Variants in EOGT observed in about 807,000 individuals in gnomAD.
EOGT encodes EGF domain specific O-linked N-acetylglucosamine transferase.
EOGT carries 55 observed loss-of-function variants against 70.5 expected under a neutral mutation model. That is an observed-to-expected ratio of 0.78 (90% CI 0.63 to 0.98). The LOEUF is 0.98. Ranked by LOEUF, EOGT falls within the 50% of genes least tolerant of loss-of-function variation. The pLI, the probability that EOGT is intolerant of heterozygous loss-of-function variation, is 0.00. For synonymous variants in EOGT, 246 were observed against 217.1 expected (o/e 1.13, Z -1.17); for missense variants, 703 against 641.9 (o/e 1.10, Z -1.03).
intron 10 of EOGT, among the ~76,000 whole-genome samples, chr3:68,994,198 G>C (rs1460123350): frequency 1.3e-5 from 2 of 152,058 alleles, no homozygotes; most frequent in African/African-American, 4.8e-5. Flanking sequence ...GAAAAGAATA[G>C]CCAGGTATGG....
chr3:69,010,185 A>C (rs952390802), intron 3 of EOGT, among the ~76,000 whole-genome samples: 3 of 152,224 alleles, frequency 2.0e-5, no homozygotes, highest in Non-Finnish European at 4.4e-5. Context: ...GGGCCTGTGA[A>C]TCAAACCAAC....
intron 10 of EOGT, among the ~76,000 whole-genome samples, chr3:68,993,006 A>G (rs1320620392): frequency 2.0e-5 from 3 of 152,222 alleles, no homozygotes; most frequent in African/African-American, 7.2e-5. Flanking sequence ...CCCTGGGCTC[A>G]GCCCACAAAA....
intron 10 of EOGT, among the ~76,000 whole-genome samples, chr3:68,994,485 C>T (rs2091089256): frequency 6.6e-6 from 1 of 152,162 alleles, no homozygotes; most frequent in African/African-American, 2.4e-5. Flanking sequence ...TCAGGTATTA[C>T]TTTCATAATT....
chr3:68,999,559 G>C (rs912990051), intron 9 of EOGT, among the ~76,000 whole-genome samples: 2 of 152,128 alleles, frequency 1.3e-5, no homozygotes, highest in African/African-American at 4.8e-5. Context: ...TTGTGTGCCA[G>C]AAATAACAGT....
intron 14 of EOGT, among the ~76,000 whole-genome samples, chr3:68,984,771 T>C (rs1372296713): frequency 6.7e-6 from 1 of 150,044 alleles, no homozygotes; most frequent in East Asian, 1.9e-4. Flanking sequence ...CACTAAAGCA[T>C]CTACCAGCAC....
chr3:69,009,451 C>A (rs1424072316), intron 4 of EOGT, among the ~76,000 whole-genome samples, 186 bp downstream of exon 4: 2 of 152,116 alleles, frequency 1.3e-5, no homozygotes, highest in Non-Finnish European at 2.9e-5. Context: ...AAATTTCTCT[C>A]TTATGAATGG....
chr3:68,979,287 G>T (rs1470708823), intron 16 of EOGT, among the ~76,000 whole-genome samples: 1 of 152,146 alleles, frequency 6.6e-6, no homozygotes, highest in Non-Finnish European at 1.5e-5. Context: ...TTAAGTGGTT[G>T]GCTTGTGTTT....
intron 15 of EOGT, among the ~76,000 whole-genome samples, chr3:68,981,438 A>T (rs978497645): frequency 6.6e-6 from 1 of 152,244 alleles, no homozygotes; most frequent in Admixed American, 6.5e-5. Context: ...TGGGATATGT[A>T]TACTTCTTTT....
rs980772409 is a variant in EOGT at position 69,011,979 on chromosome 3, AG to A, written c.-59del. 2 of 152,202 alleles carry A rather than the reference AG, an allele frequency of 1.3e-5. No individual in the cohort carries two copies. The highest frequency in any genetic ancestry group is 2.4e-5 in the African/African-American group (1 of 41,452). The allele number at this position is 152,202 out of a possible 1,614,324, so 9.4% of individuals were successfully genotyped here. On this transcript the variant is annotated 5_prime_UTR_variant, in exon 3 of 18. Coordinates refer to ENST00000383701, the MANE Select transcript of EOGT (RefSeq NM_001278689.2). ...CACTCAGAAGCTTCTGTGATGTTTC[AG>A]GTCTCTAAAACCTGTCAGAAATGAA... is the stretch of plus-strand genomic sequence containing the variant.
At chr3:69,010,919 T>C (rs916599378) in intron 3 of EOGT, among the ~76,000 whole-genome samples, 4 of 152,170 alleles carry the variant, frequency 2.6e-5, no homozygotes, top group Admixed American at 2.6e-4. Flanking sequence ...CGAACTAAAC[T>C]CATTGCCCTT....
chr3:68,992,449 T>A (rs1181708856), intron 10 of EOGT, among the ~76,000 whole-genome samples: 3 of 152,196 alleles, frequency 2.0e-5, no homozygotes, highest in Non-Finnish European at 2.9e-5. Flanking sequence ...AGGTCTCACA[T>A]CCAGGTTACA....
intron 3 of EOGT, among the ~76,000 whole-genome samples, chr3:69,010,910 G>C (rs867559542): frequency 3.9e-5 from 6 of 152,196 alleles, no homozygotes; most frequent in African/African-American, 1.4e-4. Context: ...GTGCAGTCAC[G>C]AACTAAACTC....
chr3:69,004,537 C>T, intron 7 of EOGT, 55 bp from the exon 8 acceptor site: 1 of 1,218,280 alleles, frequency 8.2e-7, no homozygotes, highest in Non-Finnish European at 1.2e-6. Context: ...ATGACCCAAG[C>T]ACGTGGGTTG....
chr3:68,990,239 C>T (rs958986855), intron 10 of EOGT, among the ~76,000 whole-genome samples: 3 of 151,910 alleles, frequency 2.0e-5, no homozygotes, highest in African/African-American at 4.8e-5. Context: ...GCCTACATTG[C>T]GAAGCAGCTG....
chr3:69,003,555 G>T (rs2091356693), intron 8 of EOGT, among the ~76,000 whole-genome samples: 1 of 152,202 alleles, frequency 6.6e-6, no homozygotes, highest in East Asian at 1.9e-4. Context: ...CCCCAGCCAT[G>T]AGGAACCATG....
chr3:68,993,116 T>A (rs1160756795), intron 10 of EOGT, among the ~76,000 whole-genome samples: 1 of 152,160 alleles, frequency 6.6e-6, no homozygotes, highest in East Asian at 1.9e-4. Context: ...TCTTGGGAAG[T>A]AACATTAGGC....
chr3:68,978,256 C>A lies in EOGT; in HGVS notation c.1437+77G>T, dbSNP rs1044982742. ...TCTTTGCAGCACTGAAGTTCAATAA[C>A]CATTTTTCATATCAATAATTGGATA... On this transcript the variant is annotated intron_variant, in intron 17 of 17. Coordinates refer to ENST00000383701, the MANE Select transcript of EOGT (RefSeq NM_001278689.2). 49 of 1,050,056 alleles carry A rather than the reference C, an allele frequency of 4.7e-5. No homozygotes were observed. In the Admixed American group the frequency reaches 8.4e-4, roughly 18 times the overall value. The allele number at this position is 1,050,056 out of a possible 1,614,324, so 65.0% of individuals were successfully genotyped here. A position where few individuals can be genotyped will look rare whatever the true frequency, so the allele number is the denominator to read the frequency against.
intron 9 of EOGT, among the ~76,000 whole-genome samples, chr3:68,999,209 A>C (rs1559605992): frequency 6.6e-6 from 1 of 152,242 alleles, no homozygotes; most frequent in Non-Finnish European, 1.5e-5. Context: ...AATACATCTT[A>C]AAGTACCCAT....
chr3:68,987,623 C>T (rs1176821353), intron 13 of EOGT, 110 bp from the exon 14 acceptor site: 5 of 782,102 alleles, frequency 6.4e-6, no homozygotes, highest in South Asian at 4.8e-5. Context: ...AACCAGGATA[C>T]ATTAATAGAA....
Sources: allele counts gnomAD v4.1 joint callset (sites outside exome capture counted in the v4.1 genomes callset), GRCh38; gene constraint gnomAD v4.1.1; transcripts MANE v1.5; gene names NCBI Gene and HGNC (gene_info 2026-07-23, HGNC 2026-07-21).